The following ACTL8 variants were observed in gnomAD, a reference collection of about 807,000 sequenced individuals.
The protein encoded by ACTL8 is actin-like protein 8.
A neutral mutation model predicts 9.3 loss-of-function variants in ACTL8; 3 were observed. That is an observed-to-expected ratio of 0.32 (90% CI 0.15 to 0.83). The LOEUF (loss-of-function observed/expected upper bound fraction) is 0.83. ACTL8 is among the 40% of genes least tolerant of loss of function. The pLI is 0.57. For missense variants in ACTL8, 381 were observed against 492.2 expected, an observed-to-expected ratio of 0.77 and a Z score of 2.14; for synonymous variants, 224 against 205.9, an observed-to-expected ratio of 1.09 and a Z score of -0.75.
intron 1 of ACTL8, among the ~76,000 whole-genome samples, chr1:17,780,424 C>T (rs2102682855): frequency 6.6e-6 from 1 of 152,220 alleles, no homozygotes; most frequent in African/African-American, 2.4e-5. Context: ...CCATATTCTT[C>T]CTTCCTTGTT....
intron 1 of ACTL8, among the ~76,000 whole-genome samples, chr1:17,783,503 C>T (rs1415354529): frequency 3.3e-5 from 5 of 152,138 alleles, no homozygotes; most frequent in Admixed American, 6.5e-5. Context: ...TATACGAAAA[C>T]ATTGATTACT....
chr1:17,819,922 T>C (rs1159724497), intron 1 of ACTL8, among the ~76,000 whole-genome samples: 1 of 151,928 alleles, frequency 6.6e-6, no homozygotes, highest in Admixed American at 6.6e-5. Flanking sequence ...GGTGGGAGGA[T>C]TGCTTGAGCC....
intron 1 of ACTL8, among the ~76,000 whole-genome samples, chr1:17,771,370 C>T (rs1045294012): frequency 3.3e-5 from 5 of 151,980 alleles, no homozygotes; most frequent in Admixed American, 6.5e-5. Context: ...GGCAGTGAGC[C>T]GGATTTGGCC....
intron 1 of ACTL8, among the ~76,000 whole-genome samples, chr1:17,759,293 A>G (rs1456624616): frequency 1.3e-5 from 2 of 152,246 alleles, no homozygotes; most frequent in Non-Finnish European, 2.9e-5. Context: ...GAGCCTCTGC[A>G]GCAGGGACCT....
In ACTL8 at chr1:17,767,500, T is replaced by C. The variant is rs1469273401; in HGVS notation, c.-25+11996T>C. On this transcript the variant is annotated intron_variant, in intron 1 of 2. Transcript: ENST00000375406. This position sits in a 1 kb window ranked among gnomAD's most constrained non-coding sequence, Gnocchi z 4.7. ...ACATCCTTCTCTCCCGGCTAAGACC[T>C]TCCCTGCTCTCCTGGGGGTTGAGTT... 1.3e-5 allele frequency among the ~76,000 whole-genome samples: 2 copies of C among 152,174 alleles called. No homozygotes were observed. The highest frequency in any genetic ancestry group is 4.8e-5 in the African/African-American group (2 of 41,450).
At chr1:17,795,758 G>A (rs1325747238) in intron 1 of ACTL8, among the ~76,000 whole-genome samples, 4 of 152,154 alleles carry the variant, frequency 2.6e-5, no homozygotes, top group African/African-American at 7.2e-5. Flanking sequence ...AGGACCTCCC[G>A]TGCCGTTTGA....
chr1:17,804,527 C>T (rs1458817777), intron 1 of ACTL8, among the ~76,000 whole-genome samples: 1 of 152,040 alleles, frequency 6.6e-6, no homozygotes, highest in Non-Finnish European at 1.5e-5. Context: ...AACGAGGACA[C>T]AGGGACCCAG....
At chr1:17,760,639 ACTCTGGAC>A (rs2065994241) in intron 1 of ACTL8, among the ~76,000 whole-genome samples, 1 of 152,116 alleles carries the variant, frequency 6.6e-6, no homozygotes, top group Middle Eastern at 3.4e-3. Context: ...CTTAGAGACA[ACTCTGGAC>A]CTAGAAGGTG....
chr1:17,759,779 T>C (rs1184858262), intron 1 of ACTL8, among the ~76,000 whole-genome samples: 1 of 152,180 alleles, frequency 6.6e-6, no homozygotes, highest in Non-Finnish European at 1.5e-5. Flanking sequence ...TGCTTGATAC[T>C]CTAGCTCAGC....
intron 1 of ACTL8, among the ~76,000 whole-genome samples, chr1:17,807,322 G>A (rs512134): frequency 0.43 from 66,086 of 151,972 alleles, 15,635 homozygotes; most frequent in East Asian, 0.68. Context: ...GAAACAAGAC[G>A]GCTGACAGGT....
At chr1:17,792,371 T>G (rs1471856502) in intron 1 of ACTL8, among the ~76,000 whole-genome samples, 1 of 152,162 alleles carries the variant, frequency 6.6e-6, no homozygotes, top group Non-Finnish European at 1.5e-5. Flanking sequence ...CCCTCTCCAT[T>G]TATAAAGTAC....
intron 1 of ACTL8, among the ~76,000 whole-genome samples, chr1:17,782,321 G>A (rs1320991726): frequency 6.6e-6 from 1 of 152,196 alleles, no homozygotes; most frequent in African/African-American, 2.4e-5. Context: ...AGGATTACAA[G>A]AGAGAATACG....
At chr1:17,810,941 C>T (rs1190296650) in intron 1 of ACTL8, among the ~76,000 whole-genome samples, 2 of 152,210 alleles carry the variant, frequency 1.3e-5, no homozygotes, top group African/African-American at 4.8e-5. Context: ...AATTAAGCCT[C>T]TGTAAACATT....
At chr1:17,820,581 T>TC (rs35966696) in intron 1 of ACTL8, among the ~76,000 whole-genome samples, 7 of 151,692 alleles carry the variant, frequency 4.6e-5, no homozygotes, top group African/African-American at 1.7e-4. Context: ...TTTTTTTTTT[T>TC]TTTGAGATGG....
chr1:17,788,043 T>C (rs2066211363), intron 1 of ACTL8, among the ~76,000 whole-genome samples: 1 of 152,250 alleles, frequency 6.6e-6, no homozygotes, highest in African/African-American at 2.4e-5. Context: ...TTGGCCGTGC[T>C]CTTGTGAGTT....
At position 17,799,821 on chromosome 1, in the gene ACTL8, C is replaced by T. The variant is rs7539525; in HGVS notation, c.-24-23164C>T. Reference sequence around the variant, plus strand: ...TTTTCTCTGTACTGTAAATCAGCTCCGCCCCCGCCCCCACCACCCACATCC... The same window carrying T: ...TTTTCTCTGTACTGTAAATCAGCTCTGCCCCCGCCCCCACCACCCACATCC... On this transcript the variant is annotated intron_variant, in intron 1 of 2. Transcript: ENST00000375406. 8.6e-3 allele frequency among the ~76,000 whole-genome samples: 1,312 copies of T among 152,016 alleles called. 16 individuals carry two copies. Among genetic ancestry groups the T allele is most frequent in the African/African-American group, 0.03 (1,258 of 41,442 alleles).
At chr1:17,793,821 T>C (rs2066258563) in intron 1 of ACTL8, among the ~76,000 whole-genome samples, 1 of 152,174 alleles carries the variant, frequency 6.6e-6, no homozygotes, top group African/African-American at 2.4e-5. Flanking sequence ...CTCTGCTCTC[T>C]GCAAGGTTGG....
chr1:17,778,861 C>A (rs750759722), intron 1 of ACTL8, among the ~76,000 whole-genome samples: 1 of 151,908 alleles, frequency 6.6e-6, no homozygotes, highest in Non-Finnish European at 1.5e-5. Flanking sequence ...ATTTGGTGCT[C>A]GTGTGTTGGG....
At chr1:17,819,370 C>T (rs561036612) in intron 1 of ACTL8, among the ~76,000 whole-genome samples, 127 of 152,358 alleles carry the variant, frequency 8.3e-4, no homozygotes, top group African/African-American at 3.0e-3. Context: ...TCTCCACGCT[C>T]CTTCTTGGCT....
Sources: gnomAD v4.1 joint callset for allele counts (sites outside exome capture counted in the v4.1 genomes callset) on GRCh38, gnomAD v4.1.1 for gene constraint, Gnocchi (gnomAD v3.1) non-coding constraint, MANE v1.5 for transcripts, NCBI Gene and HGNC (gene_info 2026-07-23, HGNC 2026-07-21) for gene names.